CCDC66: variants seen among roughly 807,000 people sequenced by gnomAD.
CCDC66 encodes coiled-coil domain-containing protein 66.
Under a neutral mutation model 128.3 loss-of-function variants are expected in CCDC66, and 133 were observed. The ratio of observed to expected loss-of-function variants is 1.04; its 90% CI spans 0.90 to 1.20. CCDC66 has a LOEUF of 1.20. Among genes scored for constraint, CCDC66 ranks in the 50% most tolerant of loss-of-function variants. The pLI, the probability that CCDC66 is intolerant of heterozygous loss-of-function variation, is 0.00. For synonymous variants in CCDC66, 387 were observed against 357.0 expected (o/e 1.08, Z -0.95); for missense variants, 1,126 against 1,075.5 (o/e 1.05, Z -0.66).
Position 56,559,559 on chromosome 3 carries a change from TC to T in CCDC66, c.77-9del. On this transcript the variant is annotated splice_polypyrimidine_tract_variant and intron_variant, in intron 2 of 17. Transcript: ENST00000394672. ...GTGGATAGTTTAGTAATTTCTTTTT[TC>T]TTTTGTAGAACATAAATCAAAAATT... The T allele has an allele frequency of 1.3e-6, 2 of 1,523,898 alleles. No individual in the cohort carries two copies. The highest frequency in any genetic ancestry group is 1.2e-5 in the South Asian group (1 of 80,204). 94.4% of individuals were successfully genotyped at this position (1,523,898 alleles called of 1,614,324 possible).
chr3:56,568,416 TATG>T (rs1559618932), intron 6 of CCDC66, among the ~76,000 whole-genome samples: 2 of 152,208 alleles, frequency 1.3e-5, no homozygotes, highest in Non-Finnish European at 2.9e-5. Context: ...TATCTTTTAG[TATG>T]ATATTATCAA....
rs2065460232 is a variant in CCDC66 at position 56,564,007 on chromosome 3, T to A, written c.426T>A (p.Ala142=). Reference sequence around the variant, plus strand: ...AGCCTCACAAAAAACACATCACAGCTGAAAACATGAAGAGCAGTTTGGTGT... The same window carrying A: ...AGCCTCACAAAAAACACATCACAGCAGAAAACATGAAGAGCAGTTTGGTGT... ...KQKPHKKHIT[A]ENMKSSLVCL... The change falls in exon 4 of 18, where the codon GCT becomes GCA. Residue 142 remains alanine (A), a synonymous_variant. Transcript: ENST00000394672. 2 of 1,613,998 alleles carry A rather than the reference T, an allele frequency of 1.2e-6. No homozygotes were observed. The highest frequency in any genetic ancestry group is 1.7e-6 in the Non-Finnish European group (2 of 1,179,950).
chr3:56,595,973 G>A (rs1032496890), intron 10 of CCDC66, among the ~76,000 whole-genome samples: 8 of 152,208 alleles, frequency 5.3e-5, no homozygotes, highest in Admixed American at 3.3e-4. Flanking sequence ...GGTATGCAGT[G>A]GCATAATCAT....
At chr3:56,571,712 T>C (rs2066643415) in intron 7 of CCDC66, among the ~76,000 whole-genome samples, 1 of 152,134 alleles carries the variant, frequency 6.6e-6, no homozygotes, top group Non-Finnish European at 1.5e-5. Context: ...TTGGGTTTTT[T>C]GTATGTGTGT....
chr3:56,589,827 A>AT (rs1477384502), intron 7 of CCDC66, among the ~76,000 whole-genome samples: 1 of 152,138 alleles, frequency 6.6e-6, no homozygotes, highest in South Asian at 2.1e-4. Context: ...AGACAACCCA[A>AT]TTTTTTTAAT....
chr3:56,621,435 C>A, intron 17 of CCDC66, 97 bp from the exon 18 acceptor site: 3 of 830,054 alleles, frequency 3.6e-6, no homozygotes, highest in African/African-American at 1.7e-5. Flanking sequence ...TTATCCTAAG[C>A]GATATGTTTT....
intron 7 of CCDC66, among the ~76,000 whole-genome samples, chr3:56,581,235 G>T (rs1050240945): frequency 1.3e-5 from 2 of 151,672 alleles, no homozygotes; most frequent in African/African-American, 2.4e-5. Flanking sequence ...TGTAGTTCTC[G>T]TGCCATGGTT....
rs1049609985 is a variant in CCDC66, at chr3:56,569,078, A to G, written c.814+2025A>G. Among the ~76,000 whole-genome samples the G allele has an allele frequency of 3.9e-5, 6 of 152,228 alleles. No homozygotes were observed. In the South Asian group the frequency reaches 8.3e-4, roughly 21 times the overall value. On this transcript the variant is annotated intron_variant, in intron 6 of 17. Transcript: ENST00000394672. ...AAGCAAGACCAGCTGAGTGGCTCAC[A>G]TGTAATCCCAGCACTTTGGAAGGCC...
chr3:56,621,660 A>AAAT lies in CCDC66; in HGVS notation c.*43_*45dup, dbSNP rs1432683591. On this transcript the variant is annotated 3_prime_UTR_variant, in exon 18 of 18. Coordinates refer to ENST00000394672, the MANE Select transcript of CCDC66 (RefSeq NM_001141947.3). ...CCTTCACATTTGATTTGTGTCTTCCAAATTATAAAATGTGCTCACTGGCTC... is the reference window on the plus strand; with the variant it reads ...CCTTCACATTTGATTTGTGTCTTCCAAATAATTATAAAATGTGCTCACTGGCTC... 1 of 1,359,984 alleles carries AAAT rather than the reference A, an allele frequency of 7.4e-7. No homozygotes were observed. The highest frequency in any genetic ancestry group is 1.5e-5 in the African/African-American group (1 of 68,690). 84.2% of individuals were successfully genotyped at this position (1,359,984 alleles called of 1,614,324 possible).
At chr3:56,594,552 G>T (rs1413717639) in intron 10 of CCDC66, among the ~76,000 whole-genome samples, 1 of 151,980 alleles carries the variant, frequency 6.6e-6, no homozygotes, top group African/African-American at 2.4e-5. Flanking sequence ...CGTGGTGGCA[G>T]GCGCCTGTAG....
chr3:56,593,100 A>G lies in CCDC66; in HGVS notation c.1067A>G (p.Lys356Arg). ...ATAGAGGAAAAAATTATATATTCAA[A>G]GGTAACTTATGAGGTTTTGTGGCTA... is the stretch of plus-strand genomic sequence containing the variant. ...RKIEEKIIYS[K>R]GEEHDRWAMH... is the part of the protein sequence containing the mutation. The change falls in exon 8 of 18, where the codon AAG becomes AGG. Residue 356 changes from lysine to arginine, a missense_variant and splice_region_variant. Transcript: ENST00000394672. 1 of 1,584,770 alleles carries G rather than the reference A, an allele frequency of 6.3e-7. No individual in the cohort carries two copies. Among genetic ancestry groups the G allele is most frequent in the Non-Finnish European group, 8.6e-7 (1 of 1,162,134 alleles).
intron 7 of CCDC66, among the ~76,000 whole-genome samples, chr3:56,585,118 GGGGAGA>G (rs1308253434): frequency 5.1e-5 from 6 of 118,222 alleles, no homozygotes; most frequent in East Asian, 4.2e-4. Flanking sequence ...GGAGGGGGAG[GGGGAGA>G]GGGAGAGGGA....
Position 56,571,248 on chromosome 3 carries a change from A to C in CCDC66, c.882A>C (p.Lys294Asn). 6.5e-7 allele frequency: 1 copy of C among 1,549,172 alleles called. No homozygotes were observed. Among genetic ancestry groups the C allele is most frequent in the Non-Finnish European group, 8.8e-7 (1 of 1,134,028 alleles). The change falls in exon 7 of 18, where the codon AAA becomes AAC. Residue 294 changes from lysine to asparagine, a missense_variant. By Grantham distance (94) the Lys-to-Asn change is moderately conservative. Coordinates refer to ENST00000394672, the MANE Select transcript of CCDC66 (RefSeq NM_001141947.3). ...AAAAATGGAATGATCCTTGGAAAAA[A>C]TCTGAAAGTGATAAAATAATATGGG... The part of the protein sequence containing the change: ...VSEKWNDPWK[K>N]SESDKIIWEK...
chr3:56,607,013 A>G (rs1392580556), intron 10 of CCDC66, among the ~76,000 whole-genome samples: 5 of 152,230 alleles, frequency 3.3e-5, no homozygotes, highest in South Asian at 2.1e-4. Context: ...GCCTATTTTT[A>G]TATGAGTACC....
intron 3 of CCDC66, among the ~76,000 whole-genome samples, chr3:56,562,247 C>T (rs757557022): frequency 2.0e-5 from 3 of 151,946 alleles, no homozygotes; most frequent in Non-Finnish European, 4.4e-5. Flanking sequence ...CGGGAGTCTT[C>T]CTGTGTTGCC....
At chr3:56,566,129 T>TTGTTTTGTTTTGTTC (rs2065823451) in intron 4 of CCDC66, among the ~76,000 whole-genome samples, 1 of 151,940 alleles carries the variant, frequency 6.6e-6, no homozygotes, top group Non-Finnish European at 1.5e-5. Context: ...TTGTTTTGTT[T>TTGTTTTGTTTTGTTC]TGTTTTGTTT....
chr3:56,617,057 T>TA, intron 13 of CCDC66, 55 bp from the exon 14 acceptor site: 1 of 1,317,386 alleles, frequency 7.6e-7, no homozygotes, highest in Non-Finnish European at 1.0e-6. Flanking sequence ...GAAAATTATT[T>TA]AATATTGAAA....
intron 4 of CCDC66, among the ~76,000 whole-genome samples, chr3:56,566,096 G>T (rs1181877575): frequency 2.1e-5 from 3 of 145,556 alleles, no homozygotes; most frequent in African/African-American, 5.2e-5. Context: ...TAACCTCTGG[G>T]CTTCAGTTTC....
chr3:56,573,350 C>CA (rs2066892744), intron 7 of CCDC66, among the ~76,000 whole-genome samples: 1 of 152,176 alleles, frequency 6.6e-6, no homozygotes, highest in Admixed American at 6.5e-5. Flanking sequence ...CAGTTGCAAC[C>CA]TGCAGCATGG....
Sources: gnomAD v4.1 joint callset for allele counts (sites outside exome capture counted in the v4.1 genomes callset) on GRCh38, gnomAD v4.1.1 for gene constraint, MANE v1.5 for transcripts, NCBI Gene and HGNC (gene_info 2026-07-23, HGNC 2026-07-21) for gene names.